NXPE2: variants seen among roughly 807,000 people sequenced by gnomAD.
The protein encoded by NXPE2 is NXPE family member 2.
NXPE2 carries 34 observed loss-of-function variants against 34.4 expected under a neutral mutation model. The ratio of observed to expected loss-of-function variants is 0.99; its 90% confidence interval spans 0.75 to 1.31. The LOEUF is 1.31. Ranked by LOEUF, NXPE2 falls within the 40% of genes most tolerant of loss-of-function variation. The pLI is 0.00. For missense variants in NXPE2, 649 were observed against 672.5 expected, an observed-to-expected ratio of 0.97 and a Z score of 0.39; for synonymous variants, 235 against 231.3, an observed-to-expected ratio of 1.02 and a Z score of -0.15.
chr11:114,758,671 C>T, the NXPE2 span, among the ~76,000 whole-genome samples: 2 of 152,054 alleles, frequency 1.3e-5, no homozygotes, highest in African/African-American at 4.8e-5. Context: ...AATTCAGCAC[C>T]CTTCACTTGC....
the NXPE2 span, chr11:114,530,824 G>A: frequency 7.4e-4 from 1,201 of 1,614,130 alleles, 13 homozygotes; most frequent in African/African-American, 0.013. Context: ...GGCTTTAATG[G>A]TATCAGTGAT....
chr11:114,521,178 G>C, the NXPE2 span, among the ~76,000 whole-genome samples: 8 of 152,200 alleles, frequency 5.3e-5, no homozygotes, highest in South Asian at 1.7e-3. Flanking sequence ...CAGGAAAGAG[G>C]ATAAATGTTC....
chr11:114,646,866 A>C, the NXPE2 span, among the ~76,000 whole-genome samples: 6 of 152,346 alleles, frequency 3.9e-5, no homozygotes, highest in African/African-American at 1.4e-4. Context: ...AAAAAACAAA[A>C]AACAGAGCAA....
chr11:114,644,191 G>A, the NXPE2 span, among the ~76,000 whole-genome samples: 5 of 152,156 alleles, frequency 3.3e-5, no homozygotes, highest in South Asian at 1.0e-3. Flanking sequence ...TACAATCATG[G>A]CATCTGCAAA....
At chr11:114,581,751 T>C in the NXPE2 span, 1 of 1,611,916 alleles carries the variant, frequency 6.2e-7, no homozygotes, top group Non-Finnish European at 8.5e-7. Flanking sequence ...ACTAATTGTA[T>C]TGAATTTTTC....
the NXPE2 span, among the ~76,000 whole-genome samples, chr11:114,813,300 G>T: frequency 6.6e-6 from 1 of 152,172 alleles, no homozygotes; most frequent in South Asian, 2.1e-4. Flanking sequence ...TCAGGTAGCT[G>T]CTCCCAGCTT....
intron 2 of NXPE2, among the ~76,000 whole-genome samples, chr11:114,692,992 AATTGC>A (rs1341387969): frequency 1.3e-5 from 2 of 152,168 alleles, no homozygotes; most frequent in African/African-American, 4.8e-5. Context: ...TATTTCTGAC[AATTGC>A]ATGTGAATCT....
the NXPE2 span, chr11:114,530,259 A>T: frequency 3.1e-6 from 5 of 1,613,874 alleles, no homozygotes; most frequent in Admixed American, 8.3e-5. Context: ...CTCACAGGGC[A>T]TGTGTTGAGG....
At chr11:114,650,332 C>T in the NXPE2 span, among the ~76,000 whole-genome samples, 1,478 of 152,292 alleles carry the variant, frequency 9.7e-3, 28 homozygotes, top group African/African-American at 0.033. Flanking sequence ...TTTGGAATAG[C>T]TGGGATCACC....
chr11:114,501,752 A>G, the NXPE2 span, among the ~76,000 whole-genome samples: 1 of 152,148 alleles, frequency 6.6e-6, no homozygotes, highest in African/African-American at 2.4e-5. Flanking sequence ...CTTTGGAGGT[A>G]AGAAGGGCTT....
chr11:114,494,057 T>C, the NXPE2 span, among the ~76,000 whole-genome samples: 1 of 152,190 alleles, frequency 6.6e-6, no homozygotes, highest in African/African-American at 2.4e-5. Flanking sequence ...CACTGAGAAG[T>C]CTGCTGCCAG....
the NXPE2 span, among the ~76,000 whole-genome samples, chr11:114,593,914 G>A: frequency 2.6e-5 from 4 of 152,122 alleles, no homozygotes; most frequent in East Asian, 7.7e-4. Context: ...AGTGAAATAA[G>A]CTAGGCACAG....
At chr11:114,599,847 C>T in the NXPE2 span, among the ~76,000 whole-genome samples, 5 of 152,070 alleles carry the variant, frequency 3.3e-5, no homozygotes, top group African/African-American at 9.7e-5. Context: ...CCAGCTCCAA[C>T]ACTGGGGATT....
At chr11:114,566,351 A>G in the NXPE2 span, among the ~76,000 whole-genome samples, 5 of 152,190 alleles carry the variant, frequency 3.3e-5, no homozygotes, top group Non-Finnish European at 5.9e-5. Flanking sequence ...TGGCAAAGGA[A>G]AATGGGAAGG....
the NXPE2 span, among the ~76,000 whole-genome samples, chr11:114,610,079 C>G: frequency 2.6e-5 from 4 of 151,924 alleles, no homozygotes; most frequent in African/African-American, 9.6e-5. Context: ...TGGGTAACCA[C>G]TGTTAACTGG....
the NXPE2 span, among the ~76,000 whole-genome samples, chr11:114,759,773 G>A: frequency 6.6e-6 from 1 of 151,948 alleles, no homozygotes; most frequent in Non-Finnish European, 1.5e-5. Flanking sequence ...ATCTTTAATT[G>A]CTTTATTTGT....
At chr11:114,744,048 C>G in the NXPE2 span, among the ~76,000 whole-genome samples, 1 of 151,514 alleles carries the variant, frequency 6.6e-6, no homozygotes, top group Admixed American at 6.6e-5. Flanking sequence ...TCTTGGGGTC[C>G]TTTGTTAACC....
At chr11:114,692,647 TG>T (rs1951174752) in intron 2 of NXPE2, among the ~76,000 whole-genome samples, 1 of 152,236 alleles carries the variant, frequency 6.6e-6, no homozygotes, top group African/African-American at 2.4e-5. Flanking sequence ...CTTGCATCCA[TG>T]AGCCTCTCAC....
At chr11:114,787,555 C>T in the NXPE2 span, among the ~76,000 whole-genome samples, 1 of 152,112 alleles carries the variant, frequency 6.6e-6, no homozygotes, top group Non-Finnish European at 1.5e-5. Context: ...ACAATTGATC[C>T]CAGTATATTT....
Sources: gnomAD v4.1 joint callset for allele counts (sites outside exome capture counted in the v4.1 genomes callset) on GRCh38, gnomAD v4.1.1 for gene constraint, MANE v1.5 for transcripts, NCBI Gene and HGNC (gene_info 2026-07-23, HGNC 2026-07-21) for gene names.